The following DENND1A variants were observed in gnomAD, a reference collection of about 807,000 sequenced individuals.
The protein encoded by DENND1A is DENN domain-containing protein 1A.
DENND1A carries 51 observed loss-of-function variants against 113.7 expected under a neutral mutation model. That is an observed-to-expected ratio of 0.45 (90% confidence interval 0.36 to 0.57). DENND1A has a LOEUF of 0.57. Among genes scored for constraint, DENND1A ranks in the 20% least tolerant of loss-of-function variants. DENND1A has a pLI of 0.00. For missense variants in DENND1A, 1,258 were observed against 1,395.9 expected (o/e 0.90, Z 1.57); for synonymous variants, 565 against 570.8 (o/e 0.99, Z 0.14).
chr9:123,598,404 T>G (rs980780420), intron 11 of DENND1A, among the ~76,000 whole-genome samples: 1 of 150,380 alleles, frequency 6.6e-6, no homozygotes, highest in African/African-American at 2.5e-5. Context: ...GATTTACACT[T>G]TGAGGTTGGG....
chr9:123,586,448 C>G (rs1174779046), intron 11 of DENND1A, among the ~76,000 whole-genome samples: 5 of 152,188 alleles, frequency 3.3e-5, no homozygotes, highest in Admixed American at 3.3e-4. Flanking sequence ...ACAATGGCAG[C>G]AGGCTGAAGA....
At chr9:123,806,781 C>T (rs1406732663) in intron 2 of DENND1A, among the ~76,000 whole-genome samples, 1 of 152,034 alleles carries the variant, frequency 6.6e-6, no homozygotes, top group Non-Finnish European at 1.5e-5. Flanking sequence ...TGGAAAAAGG[C>T]CTAGCATATA....
chr9:123,421,017 G>A (rs563560620), intron 19 of DENND1A, among the ~76,000 whole-genome samples: 36 of 150,220 alleles, frequency 2.4e-4, no homozygotes, highest in Non-Finnish European at 4.3e-4. Context: ...CCTCGCTGAC[G>A]TATGCCATTC....
intron 1 of DENND1A, among the ~76,000 whole-genome samples, chr9:123,921,719 T>C (rs942872441): frequency 2.5e-4 from 38 of 152,214 alleles, no homozygotes; most frequent in Non-Finnish European, 1.3e-4. Flanking sequence ...CAGACTAAAA[T>C]GCCTTATCCC....
At chr9:123,510,786 G>T (rs1010348986) in intron 13 of DENND1A, among the ~76,000 whole-genome samples, 5 of 152,212 alleles carry the variant, frequency 3.3e-5, no homozygotes, top group Admixed American at 6.5e-5. Flanking sequence ...GGAGCAGAAA[G>T]GGGATGCTTT....
intron 9 of DENND1A, among the ~76,000 whole-genome samples, chr9:123,637,026 A>G (rs2061742384): frequency 6.6e-6 from 1 of 152,136 alleles, no homozygotes; most frequent in Non-Finnish European, 1.5e-5. Flanking sequence ...CTAATAGATC[A>G]CAACTAGAGG....
intron 9 of DENND1A, among the ~76,000 whole-genome samples, chr9:123,646,138 T>G (rs1056788800): frequency 6.6e-6 from 1 of 152,216 alleles, no homozygotes; most frequent in African/African-American, 2.4e-5. Context: ...ATTAATTTAT[T>G]ATAAACGTCT....
rs12346291 is a variant in DENND1A, at chr9:123,628,462, C to T, written c.719+1914G>A. ...CTCACTAGGGCAGAGTCCAGCACTC[C>T]CTAGAGTCTCCAATGGAAGGAGAGA... On this transcript the variant is annotated intron_variant, in intron 10 of 23. Transcript: ENST00000394215. Among the ~76,000 whole-genome samples, 342 of 152,040 alleles carry T rather than the reference C, an allele frequency of 2.2e-3. 8 individuals are homozygous for T. Among genetic ancestry groups the T allele is most frequent in the East Asian group, 0.018 (91 of 5,140 alleles).
intron 3 of DENND1A, among the ~76,000 whole-genome samples, chr9:123,789,099 G>A (rs569139279): frequency 2.0e-5 from 3 of 149,802 alleles, no homozygotes; most frequent in East Asian, 1.9e-4. Context: ...TATAGGCAAC[G>A]CATGACTTTC....
intron 5 of DENND1A, among the ~76,000 whole-genome samples, chr9:123,744,767 GCTC>G (rs1016263915): frequency 5.2e-5 from 7 of 134,520 alleles, no homozygotes; most frequent in Non-Finnish European, 9.3e-5. Flanking sequence ...ACTTATATTA[GCTC>G]TTTTTTTTTT....
At chr9:123,482,658 A>C (rs913430015) in intron 13 of DENND1A, among the ~76,000 whole-genome samples, 4 of 152,248 alleles carry the variant, frequency 2.6e-5, no homozygotes, top group Non-Finnish European at 5.9e-5. Context: ...AAGCAGCCCC[A>C]TAAAGGAACA....
chr9:123,476,893 T>C (rs2049959979), intron 13 of DENND1A, among the ~76,000 whole-genome samples: 1 of 152,202 alleles, frequency 6.6e-6, no homozygotes, highest in Non-Finnish European at 1.5e-5. Context: ...GTTCCGTGCC[T>C]GACCCAGACG....
At chr9:123,869,887 G>A (rs1477757720) in intron 2 of DENND1A, among the ~76,000 whole-genome samples, 2 of 151,892 alleles carry the variant, frequency 1.3e-5, no homozygotes, top group East Asian at 3.9e-4. Flanking sequence ...AGCTACTGGG[G>A]AGGCTGAGGT....
At chr9:123,692,319 G>A (rs1031067183) in intron 5 of DENND1A, among the ~76,000 whole-genome samples, 9 of 152,234 alleles carry the variant, frequency 5.9e-5, no homozygotes, top group Non-Finnish European at 1.3e-4. Flanking sequence ...ATTTTAAAAT[G>A]TTGAGTGCCA....
chr9:123,795,245 T>C lies in DENND1A; in HGVS notation c.89-2615A>G, dbSNP rs574677247. On this transcript the variant is annotated intron_variant, in intron 2 of 23. Coordinates refer to ENST00000394215, the MANE Select transcript of DENND1A (RefSeq NM_001352964.2). ...TAGCTCAAAGATTCAGTCCGATAGT[T>C]CATAAAACTACGAAAGCCATTTTGG... is the stretch of plus-strand genomic sequence containing the variant. Among the ~76,000 whole-genome samples the C allele has an allele frequency of 3.9e-5, 6 of 152,332 alleles. No homozygotes were observed. The East Asian group carries it at 1.2e-3, about 29-fold the overall frequency.
intron 19 of DENND1A, among the ~76,000 whole-genome samples, chr9:123,432,387 A>T (rs113608123): frequency 3.9e-5 from 6 of 152,146 alleles, no homozygotes; most frequent in African/African-American, 9.7e-5. Context: ...GAAATGCACC[A>T]CCAATTAGGG....
intron 4 of DENND1A, among the ~76,000 whole-genome samples, chr9:123,766,175 G>A (rs1006990202): frequency 3.3e-5 from 5 of 152,154 alleles, no homozygotes; most frequent in African/African-American, 7.2e-5. Flanking sequence ...CTGATGGGGT[G>A]TTAGGCTCTC....
intron 21 of DENND1A, among the ~76,000 whole-genome samples, chr9:123,403,110 G>A (rs754937335): frequency 7.2e-5 from 11 of 152,196 alleles, no homozygotes; most frequent in South Asian, 4.1e-4. Context: ...GGCATCTTCA[G>A]CACAAGAGGC....
chr9:123,880,930 TCA>T (rs2133589936), intron 1 of DENND1A, among the ~76,000 whole-genome samples: 1 of 152,204 alleles, frequency 6.6e-6, no homozygotes, highest in Non-Finnish European at 1.5e-5. Context: ...CATTTTACAC[TCA>T]CTAAAAAATG....
Sources: allele counts gnomAD v4.1 joint callset (sites outside exome capture counted in the v4.1 genomes callset), GRCh38; gene constraint gnomAD v4.1.1; transcripts MANE v1.5; gene names NCBI Gene and HGNC (gene_info 2026-07-23, HGNC 2026-07-21).